Variants in NAA35 observed in about 807,000 individuals in gnomAD.
The protein encoded by NAA35 is MAK10 homolog, amino-acid N-acetyltransferase subunit.
Under a neutral mutation model 101.7 loss-of-function variants are expected in NAA35, and 18 were observed. That is an observed-to-expected ratio of 0.18 (90% confidence interval 0.12 to 0.26). The LOEUF (loss-of-function observed/expected upper bound fraction) is 0.26. Ranked by LOEUF, NAA35 falls within the 10% of genes least tolerant of loss-of-function variation. The pLI is 1.00. For synonymous variants in NAA35, 267 were observed against 273.1 expected (o/e 0.98, Z 0.22); for missense variants, 601 against 886.8 (o/e 0.68, Z 4.09).
At chr9:85,977,267 T>A (rs1458257496) in intron 9 of NAA35, 96 bp from the exon 10 acceptor site, 2 of 866,604 alleles carry the variant, frequency 2.3e-6, no homozygotes, top group African/African-American at 3.3e-5. Context: ...TGTAGTAAGT[T>A]ATTAACATTG....
chr9:86,005,209 A>G lies in NAA35; in HGVS notation c.1116+1565A>G, dbSNP rs150578672. On this transcript the variant is annotated intron_variant, in intron 13 of 22. Transcript: ENST00000361671. Reference sequence around the variant, plus strand: ...AGAATCAAGCCTGGTTCACCAGTTGAAAATTGGTCAGCATAATATACCATA... The same window carrying G: ...AGAATCAAGCCTGGTTCACCAGTTGGAAATTGGTCAGCATAATATACCATA... Among the ~76,000 whole-genome samples the G allele has an allele frequency of 5.2e-3, 789 of 152,332 alleles. 4 individuals are homozygous for G. The highest frequency in any genetic ancestry group is 0.018 in the African/African-American group (753 of 41,570).
At position 85,996,379 on chromosome 9, in the gene NAA35, T is replaced by G. The variant is rs757438254; in HGVS notation, c.878-20T>G. 1.9e-6 allele frequency: 3 copies of G among 1,541,452 alleles called. No homozygotes were observed. The Admixed American group carries it at 7.1e-5, about 36-fold the overall frequency. ...TCAGAGAAAAGTTGAAAAATTTTACTTTCATTTTTTTCTTTTTAGATCATC... is the reference window on the plus strand; with the variant it reads ...TCAGAGAAAAGTTGAAAAATTTTACGTTCATTTTTTTCTTTTTAGATCATC... On this transcript the variant is annotated intron_variant, in intron 11 of 22. Coordinates refer to ENST00000361671, the MANE Select transcript of NAA35 (RefSeq NM_024635.4).
At chr9:85,974,228 G>A (rs544812290) in intron 6 of NAA35, among the ~76,000 whole-genome samples, 3 of 152,206 alleles carry the variant, frequency 2.0e-5, no homozygotes, top group African/African-American at 7.2e-5. Context: ...CAAAGTGCTG[G>A]GATTATAGGC....
At chr9:85,996,722 C>T in intron 12 of NAA35, 145 bp downstream of exon 12, 2 of 550,650 alleles carry the variant, frequency 3.6e-6, no homozygotes, top group Non-Finnish European at 6.1e-6. Context: ...AAATACTACT[C>T]TTTGTCTATT....
intron 11 of NAA35, among the ~76,000 whole-genome samples, chr9:85,989,327 T>A (rs2118184241): frequency 6.6e-6 from 1 of 152,062 alleles, no homozygotes; most frequent in Middle Eastern, 3.4e-3. Context: ...AAAAATTAGC[T>A]GGGCGTGGTA....
chr9:86,013,001 A>G (rs374144089), intron 15 of NAA35, 45 bp from the exon 16 acceptor site: 5 of 1,304,390 alleles, frequency 3.8e-6, no homozygotes, highest in Non-Finnish European at 5.2e-6. Flanking sequence ...CTTTGGTACT[A>G]GGAAATTTCA....
intron 11 of NAA35, among the ~76,000 whole-genome samples, chr9:85,982,567 G>C (rs1208540050): frequency 6.6e-6 from 1 of 152,132 alleles, no homozygotes; most frequent in African/African-American, 2.4e-5. Context: ...TTTAGATTAT[G>C]AGCATCTTTA....
chr9:85,948,888 G>A (rs1277797627), intron 2 of NAA35, among the ~76,000 whole-genome samples: 1 of 151,986 alleles, frequency 6.6e-6, no homozygotes, highest in Non-Finnish European at 1.5e-5. Context: ...CTCCCGGGTA[G>A]CAGGGATTAC....
chr9:85,994,321 C>T (rs1297071918), intron 11 of NAA35, among the ~76,000 whole-genome samples: 1 of 152,204 alleles, frequency 6.6e-6, no homozygotes, highest in Non-Finnish European at 1.5e-5. Context: ...CAGTTCCCTC[C>T]TCCCCACAAA....
At chr9:85,990,095 G>A (rs1047828759) in intron 11 of NAA35, among the ~76,000 whole-genome samples, 1 of 152,216 alleles carries the variant, frequency 6.6e-6, no homozygotes, top group African/African-American at 2.4e-5. Context: ...GATTCATGGT[G>A]CATGCTCAGC....
At chr9:85,965,559 G>A (rs1829707698) in intron 6 of NAA35, among the ~76,000 whole-genome samples, 1 of 152,010 alleles carries the variant, frequency 6.6e-6, no homozygotes, top group African/African-American at 2.4e-5. Flanking sequence ...GCCTGGGGAG[G>A]TCAAGGCTGC....
chr9:85,967,496 A>G (rs17051516), intron 6 of NAA35, among the ~76,000 whole-genome samples: 10,127 of 152,098 alleles, frequency 0.067, 1,107 homozygotes, highest in African/African-American at 0.23. Context: ...TAAAGTCCTC[A>G]AGAGACCTAG....
At chr9:85,944,588 A>T (rs2118242209) in intron 2 of NAA35, among the ~76,000 whole-genome samples, 1 of 152,330 alleles carries the variant, frequency 6.6e-6, no homozygotes, top group South Asian at 2.1e-4. Context: ...GTGACAGCAG[A>T]AGAGAGTGAA....
intron 5 of NAA35, among the ~76,000 whole-genome samples, chr9:85,960,120 C>T (rs937784616): frequency 1.3e-5 from 2 of 152,140 alleles, no homozygotes; most frequent in African/African-American, 4.8e-5. Context: ...GTTCATAATA[C>T]CCTTTTCGTT....
chr9:86,012,426 A>G (rs138632431), intron 15 of NAA35, among the ~76,000 whole-genome samples: 1,769 of 152,232 alleles, frequency 0.012, 21 homozygotes, highest in Non-Finnish European at 0.02. Context: ...CACTCTCTAA[A>G]GAGTAAAATG....
chr9:86,013,222 G>T, intron 16 of NAA35, 78 bp downstream of exon 16: 1 of 863,154 alleles, frequency 1.2e-6, no homozygotes, highest in South Asian at 2.7e-5. Flanking sequence ...CAATAATTCA[G>T]AACAATATTT....
rs149357233 is a variant in NAA35 at position 85,951,182 on chromosome 9, A to G, written c.125-5178A>G. ...AACCCGTTGCATGTTAACATAAATA[A>G]CATTTTTAAAAATGAGAAATCATTG... On this transcript the variant is annotated intron_variant, in intron 2 of 22. Transcript: ENST00000361671. Among the ~76,000 whole-genome samples, 1,460 of 152,288 alleles carry G rather than the reference A, an allele frequency of 9.6e-3. 10 individuals are homozygous for G. The highest frequency in any genetic ancestry group is 0.015 in the Admixed American group (224 of 15,290).
chr9:86,003,002 C>T (rs547459197), intron 12 of NAA35, among the ~76,000 whole-genome samples: 1 of 148,624 alleles, frequency 6.7e-6, no homozygotes, highest in Non-Finnish European at 1.5e-5. Flanking sequence ...AGATTGAGTA[C>T]AGTCAATAGA....
Position 86,005,910 on chromosome 9 carries a change from C to T in NAA35, c.1117-1448C>T, listed in dbSNP as rs139697662. On this transcript the variant is annotated intron_variant, in intron 13 of 22. Transcript: ENST00000361671. ...AAATCTGGCCAGGCATGGTGGCTCA[C>T]GCCTGTAATCCCAGCACTTTGGGAG... Among the ~76,000 whole-genome samples, 87 of 151,762 alleles carry T rather than the reference C, an allele frequency of 5.7e-4. 3 individuals are homozygous for T. The East Asian group carries it at 0.015, about 26-fold the overall frequency.
Sources: allele counts gnomAD v4.1 joint callset (sites outside exome capture counted in the v4.1 genomes callset), GRCh38; gene constraint gnomAD v4.1.1; transcripts MANE v1.5; gene names NCBI Gene and HGNC (gene_info 2026-07-23, HGNC 2026-07-21).